The following NKAIN3 variants were observed in gnomAD, a reference collection of about 807,000 sequenced individuals.
NKAIN3 encodes the protein sodium/potassium transporting ATPase interacting 3, also known as sodium/potassium-transporting ATPase subunit beta-1-interacting protein 3.
A neutral mutation model predicts 30.2 loss-of-function variants in NKAIN3; 25 were observed. The observed-to-expected ratio is 0.83, with a 90% CI of 0.60 to 1.16. The LOEUF (loss-of-function observed/expected upper bound fraction) is 1.16. Ranked by LOEUF, NKAIN3 falls within the 50% of genes most tolerant of loss-of-function variation. The pLI is 0.00. For synonymous variants in NKAIN3, 91 were observed against 89.6 expected (o/e 1.02, Z -0.09); for missense variants, 225 against 254.1 (o/e 0.89, Z 0.78).
intron 1 of NKAIN3, among the ~76,000 whole-genome samples, chr8:62,281,406 G>T (rs1813185601): frequency 6.6e-6 from 1 of 151,716 alleles, no homozygotes; most frequent in Non-Finnish European, 1.5e-5. Context: ...GTTATTTCTT[G>T]ACTTCTGCTA....
chr8:62,579,792 C>G (rs1486123104), intron 2 of NKAIN3, 116 bp downstream of exon 2: 1 of 509,338 alleles, frequency 2.0e-6, no homozygotes, highest in East Asian at 3.5e-5. Flanking sequence ...GCTTTTCTAG[C>G]CCTCAAATGT....
At chr8:62,393,892 T>C (rs1817648630) in intron 1 of NKAIN3, among the ~76,000 whole-genome samples, 1 of 152,140 alleles carries the variant, frequency 6.6e-6, no homozygotes, top group Admixed American at 6.5e-5. Flanking sequence ...ATTGTCAGGT[T>C]GTTTATTTCT....
chr8:62,697,116 G>A (rs1444887505), intron 3 of NKAIN3, among the ~76,000 whole-genome samples: 1 of 152,116 alleles, frequency 6.6e-6, no homozygotes. Context: ...TAAAAACATA[G>A]GTCAGACCAT....
intron 4 of NKAIN3, among the ~76,000 whole-genome samples, chr8:62,850,215 G>C (rs1374200049): frequency 2.0e-5 from 3 of 152,064 alleles, no homozygotes; most frequent in South Asian, 2.1e-4. Context: ...GTGATGATGA[G>C]CATTTTTTCA....
intron 4 of NKAIN3, among the ~76,000 whole-genome samples, chr8:62,782,330 A>G (rs1021574939): frequency 2.0e-5 from 3 of 152,166 alleles, no homozygotes; most frequent in East Asian, 1.9e-4. Context: ...GGGAATGTAA[A>G]TAAGTAAAAC....
chr8:62,317,032 A>T (rs1375360048), intron 1 of NKAIN3, among the ~76,000 whole-genome samples: 1 of 152,108 alleles, frequency 6.6e-6, no homozygotes, highest in African/African-American at 2.4e-5. Flanking sequence ...GCCAGTGATG[A>T]TGAGCATTTT....
Position 62,763,348 on chromosome 8 carries a change from C to A in NKAIN3, c.471+16219C>A, listed in dbSNP as rs369848113. ...GGAAAACCTGGCTACTCCAGTGGTT[C>A]GGAATTGATTGTCATTTCATAATGG... On this transcript the variant is annotated intron_variant, in intron 4 of 6. Coordinates refer to ENST00000623646, the MANE Select transcript of NKAIN3 (RefSeq NM_001304533.3). Among the ~76,000 whole-genome samples, 5 of 148,436 alleles carry A rather than the reference C, an allele frequency of 3.4e-5. No individual in the cohort carries two copies. In the East Asian group the frequency reaches 1.0e-3, roughly 31 times the overall value.
intron 4 of NKAIN3, among the ~76,000 whole-genome samples, chr8:62,768,689 T>C (rs1420986169): frequency 6.6e-6 from 1 of 152,168 alleles, no homozygotes; most frequent in Non-Finnish European, 1.5e-5. Flanking sequence ...TACTCCAACC[T>C]AAGCTTCATG....
intron 3 of NKAIN3, among the ~76,000 whole-genome samples, chr8:62,648,246 A>T (rs1812524274): frequency 6.6e-6 from 1 of 151,980 alleles, no homozygotes; most frequent in Non-Finnish European, 1.5e-5. Flanking sequence ...TCCAGAGAGG[A>T]ACCTGGGATA....
chr8:62,307,510 A>G (rs1243311833), intron 1 of NKAIN3, among the ~76,000 whole-genome samples: 1 of 150,256 alleles, frequency 6.7e-6, no homozygotes, highest in Non-Finnish European at 1.5e-5. Context: ...GGAAAACAAA[A>G]ACCTTCTGAT....
Position 62,980,809 on chromosome 8 carries a change from A to G in NKAIN3, c.*15402A>G, listed in dbSNP as rs1563653651. ...TAGCTTAATTTGTTTCTATGGCACA[A>G]GCAAAGCTCATTAATTCCATTTATT... On this transcript the variant is annotated 3_prime_UTR_variant, in exon 7 of 7. Coordinates refer to ENST00000623646, the MANE Select transcript of NKAIN3 (RefSeq NM_001304533.3). 6.6e-6 allele frequency: 1 copy of G among 152,234 alleles called. No individual in the cohort carries two copies. The highest frequency in any genetic ancestry group is 6.5e-5 in the Admixed American group (1 of 15,280). 9.4% of individuals were successfully genotyped at this position (152,234 alleles called of 1,614,324 possible).
chr8:62,902,649 CT>C (rs1821647750), intron 4 of NKAIN3, among the ~76,000 whole-genome samples: 1 of 152,182 alleles, frequency 6.6e-6, no homozygotes, highest in Admixed American at 6.5e-5. Flanking sequence ...TATGAATTCT[CT>C]TTTAGTTTAC....
At chr8:62,703,274 C>A (rs902007087) in intron 3 of NKAIN3, among the ~76,000 whole-genome samples, 3 of 152,160 alleles carry the variant, frequency 2.0e-5, no homozygotes, top group Non-Finnish European at 2.9e-5. Context: ...TTTTGGTCAT[C>A]TTTCACTAGA....
intron 1 of NKAIN3, among the ~76,000 whole-genome samples, chr8:62,557,210 T>C (rs1809426669): frequency 6.6e-6 from 1 of 152,134 alleles, no homozygotes; most frequent in Non-Finnish European, 1.5e-5. Flanking sequence ...GTCTCCAGTC[T>C]CATCCAGGTT....
intron 4 of NKAIN3, among the ~76,000 whole-genome samples, chr8:62,768,767 T>C (rs1816926629): frequency 6.6e-6 from 1 of 152,182 alleles, no homozygotes; most frequent in African/African-American, 2.4e-5. Context: ...GAAATACCAA[T>C]AAATTTAATT....
chr8:62,322,314 C>T (rs922308006), intron 1 of NKAIN3, among the ~76,000 whole-genome samples: 2 of 152,244 alleles, frequency 1.3e-5, no homozygotes, highest in African/African-American at 2.4e-5. Flanking sequence ...GGCTCACGCT[C>T]GGTGCACTGT....
chr8:62,833,158 A>C (rs1819249585), intron 4 of NKAIN3, among the ~76,000 whole-genome samples: 1 of 152,158 alleles, frequency 6.6e-6, no homozygotes, highest in Admixed American at 6.6e-5. Context: ...ACAGAGACAC[A>C]GCATACCAAA....
At chr8:62,786,352 T>C (rs1179255642) in intron 4 of NKAIN3, among the ~76,000 whole-genome samples, 1 of 152,098 alleles carries the variant, frequency 6.6e-6, no homozygotes, top group Non-Finnish European at 1.5e-5. Flanking sequence ...TTAAGTGTCT[T>C]TCATTTTTAT....
At position 62,347,092 on chromosome 8, in the gene NKAIN3, C is replaced by T. The variant is rs1816028993; in HGVS notation, c.54+97965C>T. ...TACAAGTGATGCTTTCCCATACAAA[C>T]TGTAAGTTGGTTCTGGAGGGTGTAG... On this transcript the variant is annotated intron_variant, in intron 1 of 6. Coordinates refer to ENST00000623646, the MANE Select transcript of NKAIN3 (RefSeq NM_001304533.3). 2.6e-5 allele frequency among the ~76,000 whole-genome samples: 4 copies of T among 152,130 alleles called. No homozygotes were observed. The South Asian group carries it at 6.2e-4, about 24-fold the overall frequency.
Sources: gnomAD v4.1 joint callset for allele counts (sites outside exome capture counted in the v4.1 genomes callset) on GRCh38, gnomAD v4.1.1 for gene constraint, MANE v1.5 for transcripts, NCBI Gene and HGNC (gene_info 2026-07-23, HGNC 2026-07-21) for gene names.